Variants in LPP observed in about 807,000 individuals in gnomAD.
LPP encodes the protein LIM domain containing preferred translocation partner in lipoma.
Under a neutral mutation model 60.4 loss-of-function variants are expected in LPP, and 38 were observed. The ratio of observed to expected loss-of-function variants is 0.63; its 90% CI spans 0.49 to 0.83. The LOEUF (loss-of-function observed/expected upper bound fraction) is 0.83, where lower values mean the gene tolerates loss of function less well. LPP is among the 40% of genes least tolerant of loss of function. The probability of loss-of-function intolerance (pLI) is 0.00; values close to 1 mark genes in which losing one functional copy is unlikely to be tolerated. For missense variants in LPP, 902 were observed against 783.6 expected (o/e 1.15, Z -1.80); for synonymous variants, 328 against 290.8 (o/e 1.13, Z -1.30).
intron 10 of LPP, among the ~76,000 whole-genome samples, chr3:188,867,136 C>G (rs1188088724): frequency 6.6e-6 from 1 of 151,768 alleles, no homozygotes; most frequent in East Asian, 1.9e-4. Flanking sequence ...ATTTTTAGGT[C>G]CTTCTTTCCT....
At chr3:188,236,589 A>G (rs1243809103) in intron 2 of LPP, among the ~76,000 whole-genome samples, 4 of 152,250 alleles carry the variant, frequency 2.6e-5, no homozygotes, top group African/African-American at 9.6e-5. Flanking sequence ...CCACCGCAAT[A>G]AAACAAATAT....
intron 4 of LPP, among the ~76,000 whole-genome samples, chr3:188,474,071 A>G (rs1802525017): frequency 6.6e-6 from 1 of 152,248 alleles, no homozygotes; most frequent in East Asian, 1.9e-4. Context: ...CCTTATGTCA[A>G]TATTTGAAAA....
chr3:188,636,566 A>G (rs181883862), intron 7 of LPP, among the ~76,000 whole-genome samples: 3,706 of 152,280 alleles, frequency 0.024, 144 homozygotes, highest in African/African-American at 0.079. Flanking sequence ...AGCTCAAGGA[A>G]GCCTGCCTGC....
Position 188,222,247 on chromosome 3 carries a change from C to T in LPP, c.-189-3158C>T, listed in dbSNP as rs552029095. 3.3e-5 allele frequency among the ~76,000 whole-genome samples: 5 copies of T among 152,190 alleles called. No homozygotes were observed. The South Asian group carries it at 8.3e-4, about 25-fold the overall frequency. On this transcript the variant is annotated intron_variant, in intron 1 of 11. Coordinates refer to ENST00000617246, the MANE Select transcript of LPP (RefSeq NM_001375462.1). ...TCAAATGATAAAATAAATGAGTTTA[C>T]AGTCAGGAGACATACAGTATCTAAC...
At chr3:188,306,239 T>C (rs1185436843) in intron 2 of LPP, among the ~76,000 whole-genome samples, 1 of 144,672 alleles carries the variant, frequency 6.9e-6, no homozygotes, top group Non-Finnish European at 1.5e-5. Context: ...CACCACCATG[T>C]CCAGCTAATT....
At chr3:188,856,199 G>C (rs996593652) in intron 9 of LPP, among the ~76,000 whole-genome samples, 1 of 152,124 alleles carries the variant, frequency 6.6e-6, no homozygotes, top group Non-Finnish European at 1.5e-5. Context: ...AGACTTCTCT[G>C]TACACACTCT....
intron 2 of LPP, among the ~76,000 whole-genome samples, chr3:188,284,199 C>T (rs565256296): frequency 2.0e-5 from 3 of 152,032 alleles, no homozygotes; most frequent in South Asian, 4.2e-4. Context: ...CCGCCTGCCT[C>T]GGCCTCCCAA....
At chr3:188,838,500 AAACTTTACTCCCTGAAAAT>A (rs1759064015) in intron 9 of LPP, among the ~76,000 whole-genome samples, 1 of 152,140 alleles carries the variant, frequency 6.6e-6, no homozygotes, top group East Asian at 1.9e-4. Context: ...ATTCTAGAAA[AAACTTTACTCCCTGAAAAT>A]ATACAGCTTT....
In LPP at chr3:188,872,774, C is replaced by T; in HGVS notation, c.1710+11C>T. 1 of 1,613,296 alleles carries T rather than the reference C, an allele frequency of 6.2e-7. No homozygotes were observed. The highest frequency in any genetic ancestry group is 8.5e-7 in the Non-Finnish European group (1 of 1,179,798). ...TGCTACCGATGCGAGGTCTGGTTGA[C>T]AGCCCTGCCCTGCCAGTCTGTGGCA... On this transcript the variant is annotated intron_variant, in intron 11 of 11. Transcript: ENST00000617246.
chr3:188,635,102 T>G (rs1848486348), intron 7 of LPP, among the ~76,000 whole-genome samples: 1 of 152,176 alleles, frequency 6.6e-6, no homozygotes, highest in South Asian at 2.1e-4. Flanking sequence ...TGTTGTGAGT[T>G]GCAAACTTTA....
At chr3:188,367,588 A>G (rs2151018364) in intron 3 of LPP, among the ~76,000 whole-genome samples, 1 of 152,328 alleles carries the variant, frequency 6.6e-6, no homozygotes, top group Non-Finnish European at 1.5e-5. Flanking sequence ...CTTAACATTC[A>G]GGAGTAAGGA....
At chr3:188,549,560 T>G (rs1827529174) in intron 6 of LPP, among the ~76,000 whole-genome samples, 1 of 152,208 alleles carries the variant, frequency 6.6e-6, no homozygotes, top group African/African-American at 2.4e-5. Flanking sequence ...CTGTTAATTC[T>G]GCTTTATAGT....
chr3:188,624,672 C>A (rs1046283755), intron 7 of LPP, among the ~76,000 whole-genome samples: 1 of 150,312 alleles, frequency 6.7e-6, no homozygotes, highest in Non-Finnish European at 1.5e-5. Flanking sequence ...ATCCTTCCTT[C>A]CCCTCCCTCC....
At chr3:188,730,482 G>C (rs1369760113) in intron 8 of LPP, among the ~76,000 whole-genome samples, 1 of 152,222 alleles carries the variant, frequency 6.6e-6, no homozygotes, top group Non-Finnish European at 1.5e-5. Context: ...GTACTCACTT[G>C]TAAGTGGAGA....
chr3:188,865,010 A>G (rs1038625961), intron 9 of LPP, among the ~76,000 whole-genome samples: 1 of 152,228 alleles, frequency 6.6e-6, no homozygotes, highest in Non-Finnish European at 1.5e-5. Flanking sequence ...AGCCATTTAT[A>G]TATCCTCATG....
At chr3:188,802,884 A>G (rs957953638) in intron 9 of LPP, among the ~76,000 whole-genome samples, 17 of 152,296 alleles carry the variant, frequency 1.1e-4, no homozygotes, top group African/African-American at 4.1e-4. Context: ...ACACACTTTT[A>G]TAATCCCCAC....
intron 4 of LPP, among the ~76,000 whole-genome samples, chr3:188,465,377 A>G (rs572886608): frequency 3.7e-4 from 56 of 152,308 alleles, no homozygotes; most frequent in Admixed American, 2.9e-3. Flanking sequence ...GAAAGCTCAC[A>G]TGTCCTAGTT....
chr3:188,185,296 G>A (rs1726261271), intron 1 of LPP, among the ~76,000 whole-genome samples: 1 of 152,036 alleles, frequency 6.6e-6, no homozygotes. Context: ...TTCTTACCCT[G>A]TAGGGCACAG....
At chr3:188,847,543 A>G (rs1761740904) in intron 9 of LPP, among the ~76,000 whole-genome samples, 1 of 152,216 alleles carries the variant, frequency 6.6e-6, no homozygotes, top group African/African-American at 2.4e-5. Context: ...TATTGATTAG[A>G]CTGTTGAAAA....
Sources: gnomAD v4.1 joint callset for allele counts (sites outside exome capture counted in the v4.1 genomes callset) on GRCh38, gnomAD v4.1.1 for gene constraint, MANE v1.5 for transcripts, NCBI Gene and HGNC (gene_info 2026-07-23, HGNC 2026-07-21) for gene names.